The following TMEM204 variants were observed in gnomAD, a reference collection of about 807,000 sequenced individuals.
TMEM204 encodes transmembrane protein 204, also known as claudin-like protein 24.
Under a neutral mutation model 19.4 loss-of-function variants are expected in TMEM204, and 15 were observed. The observed-to-expected ratio is 0.77, with a 90% CI of 0.52 to 1.19. The LOEUF is 1.19. Ranked by LOEUF, TMEM204 falls within the 50% of genes most tolerant of loss-of-function variation. The pLI is 0.00. For missense variants in TMEM204, 287 were observed against 321.2 expected (o/e 0.89, Z 0.81); for synonymous variants, 161 against 146.0 (o/e 1.10, Z -0.74).
At chr16:1,546,813 C>A (rs1030067963) in intron 2 of TMEM204, among the ~76,000 whole-genome samples, 1 of 152,254 alleles carries the variant, frequency 6.6e-6, no homozygotes, top group African/African-American at 2.4e-5. Flanking sequence ...AGCAGCCCTG[C>A]AGAGCTCTGT....
intron 1 of TMEM204, among the ~76,000 whole-genome samples, chr16:1,535,371 A>G (rs1460867931): frequency 3.3e-5 from 5 of 152,208 alleles, no homozygotes; most frequent in African/African-American, 1.2e-4. Flanking sequence ...GGGTCATCTC[A>G]ACAGTCACGG....
intron 2 of TMEM204, among the ~76,000 whole-genome samples, chr16:1,549,097 G>C (rs1160066642): frequency 6.6e-6 from 1 of 152,200 alleles, no homozygotes; most frequent in Non-Finnish European, 1.5e-5. Flanking sequence ...CTAGGGCCGC[G>C]CAGGTTCATG....
At chr16:1,548,893 C>T (rs938608882) in intron 2 of TMEM204, among the ~76,000 whole-genome samples, 5 of 152,196 alleles carry the variant, frequency 3.3e-5, no homozygotes, top group Non-Finnish European at 7.4e-5. Flanking sequence ...TATTTGTTGG[C>T]TTTTTACTGC....
At chr16:1,531,143 G>A (rs2030444843), upstream of TMEM204, 1 of 152,254 alleles carries the variant, frequency 6.6e-6, no homozygotes, top group Non-Finnish European at 1.5e-5. This position sits in a 1 kb window ranked among gnomAD's most constrained non-coding sequence, Gnocchi z 4.7. Flanking sequence ...TGGGGTTCTG[G>A]GGTTTGTGCA....
rs139437005 is a variant in TMEM204 at position 1,539,571 on chromosome 16, C to T, written c.281-2350C>T. Among the ~76,000 whole-genome samples the T allele has an allele frequency of 7.2e-3, 1,099 of 152,366 alleles. 10 individuals carry two copies. The highest frequency in any genetic ancestry group is 0.025 in the African/African-American group (1,031 of 41,584). ...CCACCAGGCTGGCTCTCAGCCCCCG[C>T]GTCTTCTGTTCCTTCTTTAGAGAGA... On this transcript the variant is annotated intron_variant, in intron 1 of 2. Coordinates refer to ENST00000566264, the MANE Select transcript of TMEM204 (RefSeq NM_024600.6).
chr16:1,529,776 C>T (rs980004258), upstream of TMEM204, among the ~76,000 whole-genome samples: 13 of 152,220 alleles, frequency 8.5e-5, no homozygotes, highest in Non-Finnish European at 1.9e-4. Context: ...AGTTTATAAA[C>T]GGCTCAGACA....
At chr16:1,539,527 C>T (rs1207881425) in intron 1 of TMEM204, among the ~76,000 whole-genome samples, 1 of 152,274 alleles carries the variant, frequency 6.6e-6, no homozygotes, top group African/African-American at 2.4e-5. Context: ...TTCCCGCTGT[C>T]CGTACGGGAA....
In TMEM204 at chr16:1,534,531, C is replaced by A; in HGVS notation, c.256C>A (p.Gln86Lys). 6.2e-7 allele frequency: 1 copy of A among 1,605,612 alleles called. No homozygotes were observed. The highest frequency in any genetic ancestry group is 8.5e-7 in the Non-Finnish European group (1 of 1,179,776). ...CTGGGGCTCCGAGGCAGCCGGCTTC[C>A]AGGAGTCCCGAGGCACCGTCAAACG... ...LGWGSEAAGF[Q>K]ESRGTVKLQF... The change falls in exon 1 of 3, where the codon CAG (glutamine) becomes AAG (lysine). Residue 86 changes from glutamine (Q) to lysine (K), a missense_variant. Gln to Lys is a moderately conservative substitution (Grantham distance 53). Transcript: ENST00000566264.
chr16:1,555,261 G>A lies in TMEM204; in HGVS notation c.*235G>A, dbSNP rs992343458. 1.3e-5 allele frequency: 7 copies of A among 539,476 alleles called. No homozygotes were observed. The highest frequency in any genetic ancestry group is 2.3e-5 in the Non-Finnish European group (7 of 305,854). The allele number at this position is 539,476 out of a possible 1,614,324, so 33.4% of individuals were successfully genotyped here. A position where few individuals can be genotyped will look rare whatever the true frequency, so the allele number is the denominator to read the frequency against. On this transcript the variant is annotated 3_prime_UTR_variant, in exon 3 of 3. Coordinates refer to ENST00000566264, the MANE Select transcript of TMEM204 (RefSeq NM_024600.6). ...CTCCAGCTTTCCTGGTTAGCGCAAC[G>A]CGGCTCCACGACCACACGCACTTCA...
At chr16:1,533,576 T>A (rs2030737402), upstream of TMEM204, 1 of 152,312 alleles carries the variant, frequency 6.6e-6, no homozygotes, top group African/African-American at 2.4e-5. This position sits in a 1 kb window ranked among gnomAD's most constrained non-coding sequence, Gnocchi z 4.7. Context: ...AGGAAGCACA[T>A]CCTGTTGGTG....
chr16:1,551,893 A>T lies in TMEM204; in HGVS notation c.437-2889A>T, dbSNP rs190854589. ...AAGCCACTGTAAATCCGAGCTGTGC[A>T]CTCAGAAGCCTCCCGGGTGTGTCCC... On this transcript the variant is annotated intron_variant, in intron 2 of 2. Coordinates refer to ENST00000566264, the MANE Select transcript of TMEM204 (RefSeq NM_024600.6). The surrounding 1 kb of genome is among the most constrained non-coding windows in gnomAD (Gnocchi z 4.0). Among the ~76,000 whole-genome samples the T allele has an allele frequency of 1.5e-3, 229 of 152,172 alleles. No individual in the cohort carries two copies. The highest frequency in any genetic ancestry group is 5.2e-3 in the African/African-American group (214 of 41,510).
chr16:1,551,785 G>C lies in TMEM204; in HGVS notation c.437-2997G>C, dbSNP rs555553553. Among the ~76,000 whole-genome samples, 3 of 152,150 alleles carry C rather than the reference G, an allele frequency of 2.0e-5. No individual in the cohort carries two copies. The highest frequency in any genetic ancestry group is 4.4e-5 in the Non-Finnish European group (3 of 68,016). ...CACACGTGCGTGGTCCGGCAGATCC[G>C]GCAAGATCAACTCTGCGGGACCTCC... On this transcript the variant is annotated intron_variant, in intron 2 of 2. Transcript: ENST00000566264. This position sits in a 1 kb window ranked among gnomAD's most constrained non-coding sequence, Gnocchi z 4.0.
At chr16:1,544,019 CTTTT>C (rs768616715) in intron 2 of TMEM204, among the ~76,000 whole-genome samples, 2 of 140,050 alleles carry the variant, frequency 1.4e-5, no homozygotes. Context: ...CACTACATTT[CTTTT>C]TTTTTTTTTT....
Position 1,553,377 on chromosome 16 carries a change from C to T in TMEM204, c.437-1405C>T. On this transcript the variant is annotated intron_variant, in intron 2 of 2. Transcript: ENST00000566264. This position sits in a 1 kb window ranked among gnomAD's most constrained non-coding sequence, Gnocchi z 4.4. ...CTCTCGATGCTGGGGCCACACAGGG[C>T]AGGGCATGATTTGGTTTCCTGGGGA... is the stretch of plus-strand genomic sequence containing the variant. The T allele has an allele frequency of 1.0e-6, 1 of 985,366 alleles. No individual in the cohort carries two copies. Among genetic ancestry groups the T allele is most frequent in the Non-Finnish European group, 1.2e-6 (1 of 829,912 alleles). 61.0% of individuals were successfully genotyped at this position (985,366 alleles called of 1,614,324 possible). A position where few individuals can be genotyped will look rare whatever the true frequency, so the allele number is the denominator to read the frequency against.
intron 2 of TMEM204, among the ~76,000 whole-genome samples, chr16:1,554,387 G>C (rs66798554): frequency 1.3e-5 from 2 of 152,044 alleles, no homozygotes; most frequent in Non-Finnish European, 2.9e-5. Flanking sequence ...GCTGAGTCTG[G>C]GGGGCTAGGA....
chr16:1,545,296 G>A (rs537550160), intron 2 of TMEM204, among the ~76,000 whole-genome samples: 2 of 152,026 alleles, frequency 1.3e-5, no homozygotes, highest in South Asian at 4.2e-4. Context: ...GCACCAGGGC[G>A]AGGGCCAGCA....
upstream of TMEM204, chr16:1,530,654 C>T (rs2030370456): frequency 6.7e-6 from 1 of 150,270 alleles, no homozygotes; most frequent in Admixed American, 6.6e-5. Flanking sequence ...AGACGGGCTC[C>T]CCTGTGCTCT....
In TMEM204 at chr16:1,551,404, G is replaced by A. The variant is rs773239983; in HGVS notation, c.437-3378G>A. Among the ~76,000 whole-genome samples, 6 of 152,128 alleles carry A rather than the reference G, an allele frequency of 3.9e-5. No homozygotes were observed. The highest frequency in any genetic ancestry group is 7.4e-5 in the Non-Finnish European group (5 of 68,022). On this transcript the variant is annotated intron_variant, in intron 2 of 2. Coordinates refer to ENST00000566264, the MANE Select transcript of TMEM204 (RefSeq NM_024600.6). This position sits in a 1 kb window ranked among gnomAD's most constrained non-coding sequence, Gnocchi z 4.0. The stretch of plus-strand genomic sequence containing the variant: ...GCACGAGGAGAAGCCCAGAGTAGGT[G>A]GACCCAGTGACTGAGAGGGGTGGAA...
chr16:1,540,939 GC>G lies in TMEM204; in HGVS notation c.281-981del, dbSNP rs978867064. The G allele has an allele frequency of 6.1e-5, 60 of 985,308 alleles. No homozygotes were observed. The Admixed American group carries it at 1.1e-3, about 18-fold the overall frequency. The allele number at this position is 985,308 out of a possible 1,614,324, so 61.0% of individuals were successfully genotyped here. On this transcript the variant is annotated intron_variant, in intron 1 of 2. Transcript: ENST00000566264. ...TGTCAGCACACACATTGTCTGCTCT[GC>G]AGCGTGCAGGGGCCTGGGAACACAC...
Sources: allele counts gnomAD v4.1 joint callset (sites outside exome capture counted in the v4.1 genomes callset), GRCh38; gene constraint gnomAD v4.1.1; non-coding constraint Gnocchi (gnomAD v3.1); transcripts MANE v1.5; gene names NCBI Gene and HGNC (gene_info 2026-07-23, HGNC 2026-07-21).